The following UTRN variants were observed in gnomAD, a reference collection of about 807,000 sequenced individuals.
The protein encoded by UTRN is dystrophin-related protein 1.
A neutral mutation model predicts 463.9 loss-of-function variants in UTRN; 283 were observed. That is an observed-to-expected ratio of 0.61 (90% CI 0.55 to 0.67). UTRN has a LOEUF of 0.67. Among genes scored for constraint, UTRN ranks in the 30% least tolerant of loss-of-function variants. UTRN has a pLI of 0.00. For synonymous variants in UTRN, 1,442 were observed against 1,431.5 expected (o/e 1.01, Z -0.17); for missense variants, 3,922 against 4,084.3 (o/e 0.96, Z 1.08).
intron 13 of UTRN, among the ~76,000 whole-genome samples, chr6:144,441,331 T>C (rs1429058741): frequency 6.6e-6 from 1 of 152,158 alleles, no homozygotes; most frequent in African/African-American, 2.4e-5. Flanking sequence ...AAAGAGTAAA[T>C]ACATCTGTTC....
chr6:144,768,009 A>C (rs2128731047), intron 58 of UTRN, among the ~76,000 whole-genome samples: 1 of 152,278 alleles, frequency 6.6e-6, no homozygotes, highest in Admixed American at 6.5e-5. Flanking sequence ...GTTTCATGGA[A>C]AAATATGAGA....
chr6:144,728,334 A>G (rs1188431703), intron 53 of UTRN, among the ~76,000 whole-genome samples: 7 of 152,140 alleles, frequency 4.6e-5, no homozygotes, highest in Admixed American at 1.3e-4. Flanking sequence ...TGCTCTAACA[A>G]CATAATAATC....
intron 9 of UTRN, among the ~76,000 whole-genome samples, chr6:144,435,335 T>C (rs1185142803): frequency 1.3e-5 from 2 of 152,166 alleles, no homozygotes; most frequent in Admixed American, 6.5e-5. Context: ...AAGAGGTTGA[T>C]AGAAATTTAT....
At chr6:144,699,639 T>A (rs1046036764) in intron 52 of UTRN, among the ~76,000 whole-genome samples, 3 of 150,780 alleles carry the variant, frequency 2.0e-5, no homozygotes. Flanking sequence ...AAAAAATATA[T>A]TTGGATGTGC....
chr6:144,683,106 A>G (rs1442100459), intron 52 of UTRN, among the ~76,000 whole-genome samples: 3 of 152,118 alleles, frequency 2.0e-5, no homozygotes, highest in African/African-American at 7.2e-5. Flanking sequence ...CATGTTAATT[A>G]CTGATAGAGG....
chr6:144,369,081 T>G (rs979597743), intron 2 of UTRN, among the ~76,000 whole-genome samples: 3 of 152,276 alleles, frequency 2.0e-5, no homozygotes, highest in Non-Finnish European at 4.4e-5. Flanking sequence ...TTTCTGCCTG[T>G]GCTCAAATTC....
rs1008659285 is a variant in UTRN at position 144,568,614 on chromosome 6, G to A, written c.7290-8485G>A. On this transcript the variant is annotated intron_variant, in intron 50 of 74. Transcript: ENST00000367545. ...ATTAATGCTTCCCAACCTTTTTTGC[G>A]ATCGGCACACTACTCATCTATTCCC... 2.6e-5 allele frequency among the ~76,000 whole-genome samples: 4 copies of A among 152,042 alleles called. No homozygotes were observed. The South Asian group carries it at 8.3e-4, about 32-fold the overall frequency.
At chr6:144,540,841 C>T (rs987032925) in intron 45 of UTRN, among the ~76,000 whole-genome samples, 9 of 152,296 alleles carry the variant, frequency 5.9e-5, no homozygotes, top group Non-Finnish European at 1.0e-4. Flanking sequence ...TATTGGATAG[C>T]CAGATGGCTA....
Position 144,826,636 on chromosome 6 carries a change from C to T in UTRN, c.9495-712C>T, listed in dbSNP as rs59427278. 7.8e-3 allele frequency among the ~76,000 whole-genome samples: 1,186 copies of T among 152,214 alleles called. 18 individuals are homozygous for T. The highest frequency in any genetic ancestry group is 0.026 in the African/African-American group (1,069 of 41,548). On this transcript the variant is annotated intron_variant, in intron 66 of 74. Coordinates refer to ENST00000367545, the MANE Select transcript of UTRN (RefSeq NM_007124.3). The stretch of plus-strand genomic sequence containing the variant: ...TGAATGATCTGGCTCCAGACACAAG[C>T]CCCTGAGTCAAGCAGAACAAGTTTT...
chr6:144,445,138 GT>G (rs1787534571), intron 14 of UTRN, among the ~76,000 whole-genome samples: 1 of 152,066 alleles, frequency 6.6e-6, no homozygotes, highest in African/African-American at 2.4e-5. Context: ...ATCACTTGAA[GT>G]CAGGAGTTCA....
chr6:144,737,993 T>A (rs12662263), intron 54 of UTRN, among the ~76,000 whole-genome samples: 3,211 of 152,158 alleles, frequency 0.021, 105 homozygotes, highest in African/African-American at 0.069. Flanking sequence ...TGATTTTTTT[T>A]AAAAATAAAA....
chr6:144,624,759 A>G (rs923631651), intron 51 of UTRN, among the ~76,000 whole-genome samples: 1 of 152,216 alleles, frequency 6.6e-6, no homozygotes, highest in African/African-American at 2.4e-5. Flanking sequence ...GTACTAAGAT[A>G]GGATAGGAAG....
Position 144,346,177 on chromosome 6 carries a change from CA to C in UTRN, c.79+54284del, listed in dbSNP as rs5880590. ...TGGGTGAAAGAGCAAAACTCTGTCT[CA>C]AAAAAAAAAAAAATAAAATAAAAAA... On this transcript the variant is annotated intron_variant, in intron 2 of 74. Coordinates refer to ENST00000367545, the MANE Select transcript of UTRN (RefSeq NM_007124.3). Among the ~76,000 whole-genome samples, 317 of 128,506 alleles carry C rather than the reference CA, an allele frequency of 2.5e-3. 1 individual carries two copies. Among genetic ancestry groups the C allele is most frequent in the African/African-American group, 8.1e-3 (237 of 29,404 alleles). The allele number at this position is 128,506 out of a possible 152,430, so 84.3% of individuals were successfully genotyped here. A position where few individuals can be genotyped will look rare whatever the true frequency, so the allele number is the denominator to read the frequency against.
chr6:144,363,068 A>T (rs1716901930), intron 2 of UTRN, among the ~76,000 whole-genome samples: 1 of 152,222 alleles, frequency 6.6e-6, no homozygotes, highest in South Asian at 2.1e-4. Flanking sequence ...AGTACATAGC[A>T]CTTTTAATTT....
At chr6:144,661,932 G>A (rs985791311) in intron 51 of UTRN, among the ~76,000 whole-genome samples, 5 of 152,050 alleles carry the variant, frequency 3.3e-5, no homozygotes, top group Admixed American at 1.3e-4. Flanking sequence ...TTTAGTAGTT[G>A]AATTGACAGT....
At position 144,780,290 on chromosome 6, in the gene UTRN, TC is replaced by T. The variant is rs545472991; in HGVS notation, c.8633-1631del. ...ATTTTTTCTCTTTGCCTCTTATTTT[TC>T]ATGCTAAAAGTTAAATATATAACAT... On this transcript the variant is annotated intron_variant, in intron 60 of 74. Transcript: ENST00000367545. Among the ~76,000 whole-genome samples, 13 of 152,268 alleles carry T rather than the reference TC, an allele frequency of 8.5e-5. No homozygotes were observed. The South Asian group carries it at 2.7e-3, about 32-fold the overall frequency.
At position 144,852,040 on chromosome 6, in the gene UTRN, C is replaced by G. The variant is rs1243125364; in HGVS notation, c.*1043C>G. 6.6e-6 allele frequency: 1 copy of G among 152,064 alleles called. No homozygotes were observed. Among genetic ancestry groups the G allele is most frequent in the Non-Finnish European group, 1.5e-5 (1 of 68,006 alleles). The allele number at this position is 152,064 out of a possible 1,614,324, so 9.4% of individuals were successfully genotyped here. A position where few individuals can be genotyped will look rare whatever the true frequency, so the allele number is the denominator to read the frequency against. On this transcript the variant is annotated 3_prime_UTR_variant, in exon 75 of 75. Transcript: ENST00000367545. ...GAATTTTATTGTTGTTTTGTATTTT[C>G]AAGTCCTTAATAGTTCTTGAAACTC...
At chr6:144,448,838 T>G in intron 17 of UTRN, 69 bp downstream of exon 17, 1 of 1,520,614 alleles carries the variant, frequency 6.6e-7, no homozygotes, top group Admixed American at 1.9e-5. Context: ...TGGTGCCTAT[T>G]TTGTACTAAT....
chr6:144,836,058 T>G, intron 70 of UTRN, 120 bp downstream of exon 70: 2 of 1,475,258 alleles, frequency 1.4e-6, no homozygotes, highest in South Asian at 1.4e-5. Context: ...GAGTGAAAAT[T>G]TTAGAGGCTA....
Sources: allele counts gnomAD v4.1 joint callset (sites outside exome capture counted in the v4.1 genomes callset), GRCh38; gene constraint gnomAD v4.1.1; transcripts MANE v1.5; gene names NCBI Gene and HGNC (gene_info 2026-07-23, HGNC 2026-07-21).